The following CLASP1 variants were observed in gnomAD, a reference collection of about 807,000 sequenced individuals.
CLASP1 encodes cytoplasmic linker associated protein 1.
Under a neutral mutation model 192.3 loss-of-function variants are expected in CLASP1, and 38 were observed. The ratio of observed to expected loss-of-function variants is 0.20; its 90% CI spans 0.15 to 0.26. The LOEUF (loss-of-function observed/expected upper bound fraction) is 0.26, where lower values mean the gene tolerates loss of function less well. Ranked by LOEUF, CLASP1 falls within the 10% of genes least tolerant of loss-of-function variation. The pLI is 1.00. For synonymous variants in CLASP1, 691 were observed against 712.8 expected (o/e 0.97, Z 0.49); for missense variants, 1,433 against 1,932.5 (o/e 0.74, Z 4.85).
intron 1 of CLASP1, among the ~76,000 whole-genome samples, chr2:121,625,794 A>T (rs1239766506): frequency 6.6e-6 from 1 of 151,786 alleles, no homozygotes; most frequent in Non-Finnish European, 1.5e-5. Context: ...TAGGTGAGTA[A>T]GAAGAGAAGA....
chr2:121,621,200 G>A (rs1385607691), intron 1 of CLASP1, among the ~76,000 whole-genome samples: 4 of 151,836 alleles, frequency 2.6e-5, no homozygotes, highest in Admixed American at 6.6e-5. Context: ...CAGCCTCAGC[G>A]ACAGAGTGAG....
At chr2:121,544,759 C>T (rs1162723925) in intron 2 of CLASP1, among the ~76,000 whole-genome samples, 15 of 151,806 alleles carry the variant, frequency 9.9e-5, no homozygotes, top group Admixed American at 8.5e-4. Context: ...AGAAAATAAA[C>T]CAAAAAAGTG....
chr2:121,535,177 G>C (rs983710501), intron 2 of CLASP1, among the ~76,000 whole-genome samples: 1 of 152,204 alleles, frequency 6.6e-6, no homozygotes, highest in Non-Finnish European at 1.5e-5. Context: ...TGCTCTGCTC[G>C]GGAGGCTGAG....
At chr2:121,485,615 G>C (rs1470661889) in intron 8 of CLASP1, among the ~76,000 whole-genome samples, 1 of 152,142 alleles carries the variant, frequency 6.6e-6, no homozygotes, top group African/African-American at 2.4e-5. Context: ...TGTAATCTCA[G>C]CACTTTGGGA....
At chr2:121,569,709 T>A (rs763237859) in intron 2 of CLASP1, among the ~76,000 whole-genome samples, 1 of 151,988 alleles carries the variant, frequency 6.6e-6, no homozygotes, top group Non-Finnish European at 1.5e-5. Context: ...GGCGTGGTGG[T>A]GCGTGCCTGT....
At chr2:121,607,430 GA>G (rs1257381922) in intron 1 of CLASP1, among the ~76,000 whole-genome samples, 2 of 152,182 alleles carry the variant, frequency 1.3e-5, no homozygotes, top group Non-Finnish European at 2.9e-5. Context: ...CTAGTGTTTT[GA>G]TATTAAAATT....
intron 34 of CLASP1, among the ~76,000 whole-genome samples, chr2:121,371,346 G>A (rs1208407721): frequency 6.6e-6 from 1 of 151,778 alleles, no homozygotes; most frequent in Non-Finnish European, 1.5e-5. Context: ...TACTCTCACT[G>A]CAGCTTCTCG....
At chr2:121,554,454 TAAAAAAAAAAAAAA>T (rs56965310) in intron 2 of CLASP1, among the ~76,000 whole-genome samples, 1 of 87,562 alleles carries the variant, frequency 1.1e-5, no homozygotes, top group Admixed American at 1.3e-4. Context: ...CTACAAAAAG[TAAAAAAAAAAAAAA>T]AAAAAAAAAA....
chr2:121,631,373 C>T (rs1433496174), intron 1 of CLASP1, among the ~76,000 whole-genome samples: 14 of 148,906 alleles, frequency 9.4e-5, no homozygotes, highest in South Asian at 2.1e-4. Flanking sequence ...CTGCAACTTC[C>T]GCCTCCTAGA....
At chr2:121,599,619 A>G (rs1260901246) in intron 2 of CLASP1, among the ~76,000 whole-genome samples, 1 of 149,124 alleles carries the variant, frequency 6.7e-6, no homozygotes. Context: ...AAAATTCAAG[A>G]AGCCAAGGTC....
At chr2:121,545,447 T>G (rs1433186309) in intron 2 of CLASP1, among the ~76,000 whole-genome samples, 1 of 152,166 alleles carries the variant, frequency 6.6e-6, no homozygotes. Flanking sequence ...TTAGCAGGTA[T>G]GGCACATGAC....
exon 31 of CLASP1, chr2:121,387,779 GAAT>G: frequency 6.2e-7 from 1 of 1,613,960 alleles, no homozygotes; most frequent in Non-Finnish European, 8.5e-7. Context: ...GGTGTTACTG[GAAT>G]TCTTGAGGTG....
At chr2:121,425,331 G>A (rs1333539597) in intron 21 of CLASP1, 25 bp from the exon 22 acceptor site, 2 of 1,603,350 alleles carry the variant, frequency 1.2e-6, no homozygotes, top group Admixed American at 1.7e-5. Flanking sequence ...AAATGACAAT[G>A]AATAATAGAT....
exon 19 of CLASP1, chr2:121,447,468 G>C (rs2084577363): frequency 1.9e-6 from 3 of 1,555,794 alleles, no homozygotes; most frequent in Non-Finnish European, 2.6e-6. Context: ...TCGCTGGAGG[G>C]ACCCAGTCGT....
chr2:121,576,190 A>ATTT (rs961926492), intron 2 of CLASP1, among the ~76,000 whole-genome samples: 1 of 151,460 alleles, frequency 6.6e-6, no homozygotes, highest in African/African-American at 2.4e-5. Context: ...TACAGGTAAA[A>ATTT]TTTTTTTTTT....
intron 1 of CLASP1, among the ~76,000 whole-genome samples, chr2:121,628,873 C>T (rs1223234586): frequency 7.1e-6 from 1 of 140,742 alleles, no homozygotes; most frequent in Non-Finnish European, 1.5e-5. Context: ...CCTGACAGAG[C>T]GAGACTCCAT....
intron 1 of CLASP1, among the ~76,000 whole-genome samples, chr2:121,624,888 T>A (rs1305821797): frequency 6.6e-6 from 1 of 152,250 alleles, no homozygotes; most frequent in Non-Finnish European, 1.5e-5. Context: ...CTCAGAGTAT[T>A]TTCCAATTTT....
At chr2:121,378,388 A>C (rs933135400) in intron 33 of CLASP1, among the ~76,000 whole-genome samples, 1 of 152,214 alleles carries the variant, frequency 6.6e-6, no homozygotes, top group Admixed American at 6.5e-5. Context: ...TGTTCACAGA[A>C]AAGTGTTATT....
chr2:121,536,641 C>CA (rs2095089956), intron 2 of CLASP1, among the ~76,000 whole-genome samples: 1 of 152,144 alleles, frequency 6.6e-6, no homozygotes, highest in Admixed American at 6.5e-5. Flanking sequence ...AACACTACAA[C>CA]ATGGATGAAC....
Sources: allele counts gnomAD v4.1 joint callset (sites outside exome capture counted in the v4.1 genomes callset), GRCh38; gene constraint gnomAD v4.1.1; transcripts MANE v1.5; gene names NCBI Gene and HGNC (gene_info 2026-07-23, HGNC 2026-07-21).